The following AKAP7 variants were observed in gnomAD, a reference collection of about 807,000 sequenced individuals.
The protein encoded by AKAP7 is A kinase (PRKA) anchor protein 7.
In AKAP7, 39 loss-of-function variants were observed where a neutral mutation model predicts 39.5. That is an observed-to-expected ratio of 0.99 (90% CI 0.76 to 1.29). AKAP7 has a LOEUF of 1.29. Ranked by LOEUF, AKAP7 falls within the 50% of genes most tolerant of loss-of-function variation. The pLI, the probability that AKAP7 is intolerant of heterozygous loss-of-function variation, is 0.00. For missense variants in AKAP7, 414 were observed against 407.7 expected (o/e 1.02, Z -0.13); for synonymous variants, 140 against 139.1 (o/e 1.01, Z -0.05).
chr6:131,182,908 T>C (rs1805412320), intron 5 of AKAP7, among the ~76,000 whole-genome samples: 1 of 152,154 alleles, frequency 6.6e-6, no homozygotes, highest in Admixed American at 6.5e-5. Context: ...ATGTAACTAA[T>C]TAAAACTAGC....
intron 3 of AKAP7, among the ~76,000 whole-genome samples, chr6:131,160,414 T>C (rs942813535): frequency 3.9e-5 from 6 of 152,224 alleles, no homozygotes; most frequent in Non-Finnish European, 8.8e-5. Context: ...GGTCTTGCTC[T>C]GGCACCCAGG....
Position 131,165,133 on chromosome 6 carries a change from G to A in AKAP7, c.344G>A (p.Arg115Gln), listed in dbSNP as rs557843005. Residue 115 changes from arginine (R) to glutamine (Q), a missense_variant, in exon 4 of 8, where the codon CGA becomes CAA. Physicochemically the swap from Arg to Gln is conservative, Grantham distance 43. Transcript: ENST00000431975. ...LQNAIIQQDE[R>Q]LAKAMVSDGS... ...AATGCAATAATACAACAAGATGAGC[G>A]ACTGGCCAAAGCAATGGTCAGTGAT... 8.7e-6 allele frequency: 14 copies of A among 1,611,416 alleles called. No individual in the cohort carries two copies. The highest frequency in any genetic ancestry group is 6.7e-5 in the East Asian group (3 of 44,808).
chr6:131,264,112 A>G (rs1455724842), intron 7 of AKAP7, among the ~76,000 whole-genome samples: 1 of 152,168 alleles, frequency 6.6e-6, no homozygotes, highest in Non-Finnish European at 1.5e-5. Flanking sequence ...GGATTTAACC[A>G]AAAAGGAATG....
chr6:131,246,102 T>C (rs1340945095), intron 7 of AKAP7, among the ~76,000 whole-genome samples: 1 of 149,970 alleles, frequency 6.7e-6, no homozygotes, highest in Non-Finnish European at 1.5e-5. Context: ...CAAATATATA[T>C]ATATATATAT....
intron 7 of AKAP7, among the ~76,000 whole-genome samples, chr6:131,245,783 A>G (rs1347693062): frequency 1.3e-5 from 2 of 152,112 alleles, no homozygotes; most frequent in African/African-American, 2.4e-5. Flanking sequence ...TCGTCTCCTA[A>G]GGCTTGGTTC....
At chr6:131,165,467 C>G (rs1429806139) in intron 4 of AKAP7, among the ~76,000 whole-genome samples, 1 of 152,148 alleles carries the variant, frequency 6.6e-6, no homozygotes, top group Non-Finnish European at 1.5e-5. Flanking sequence ...ATAATATAAG[C>G]ACTCTGGACT....
chr6:131,253,060 G>A, intron 7 of AKAP7: 1 of 1,613,558 alleles, frequency 6.2e-7, no homozygotes, highest in Non-Finnish European at 8.5e-7. Flanking sequence ...CTCGTCCTCT[G>A]CAGTCCTACA....
intron 5 of AKAP7, among the ~76,000 whole-genome samples, chr6:131,197,080 G>A (rs546329087): frequency 1.3e-5 from 2 of 151,908 alleles, no homozygotes; most frequent in South Asian, 4.2e-4. Flanking sequence ...ATATTCCAGA[G>A]AATCATATTA....
chr6:131,251,845 C>T (rs1812469368), intron 7 of AKAP7, among the ~76,000 whole-genome samples: 2 of 152,220 alleles, frequency 1.3e-5, no homozygotes, highest in African/African-American at 4.8e-5. Context: ...CATTTGGCAG[C>T]CCAAGACTCT....
rs150523845 is a variant in AKAP7, at chr6:131,190,365, G to A, written c.590-9096G>A. Among the ~76,000 whole-genome samples, 434 of 152,174 alleles carry A rather than the reference G, an allele frequency of 2.9e-3. 2 individuals carry two copies. The highest frequency in any genetic ancestry group is 9.9e-3 in the African/African-American group (410 of 41,526). ...ATAAATTGAAAAGTGTTGGCTGGGC[G>A]CGGTGGCTCATGACTGTAATCCCAG... is the stretch of plus-strand genomic sequence containing the variant. On this transcript the variant is annotated intron_variant, in intron 5 of 7. Transcript: ENST00000431975.
rs565717031 is a variant in AKAP7 at position 131,152,071 on chromosome 6, G to A, written c.151+6655G>A. 6.6e-5 allele frequency among the ~76,000 whole-genome samples: 10 copies of A among 150,954 alleles called. No individual in the cohort carries two copies. In the East Asian group the frequency reaches 1.9e-3, roughly 29 times the overall value. On this transcript the variant is annotated intron_variant, in intron 2 of 7. Transcript: ENST00000431975. Reference sequence around the variant, plus strand: ...TAAAAAAACAAATACACGAATCAGAGAGTTACAGCCTTTGTCAGCAAGACC... The same window carrying A: ...TAAAAAAACAAATACACGAATCAGAAAGTTACAGCCTTTGTCAGCAAGACC...
chr6:131,217,015 C>G (rs1184686787), intron 6 of AKAP7, among the ~76,000 whole-genome samples: 1 of 152,162 alleles, frequency 6.6e-6, no homozygotes, highest in African/African-American at 2.4e-5. Flanking sequence ...TTTGAACTCT[C>G]CTAACATTGT....
In AKAP7 at chr6:131,139,040, C is replaced by A. The variant is rs556820979; in HGVS notation, c.19+3258C>A. Among the ~76,000 whole-genome samples, 93 of 152,270 alleles carry A rather than the reference C, an allele frequency of 6.1e-4. 1 individual carries two copies. In the South Asian group the frequency reaches 0.019, roughly 31 times the overall value. ...CAATGAACTTAAAAGAGTTTAAATG[C>A]TTTAAGAGTTGGTTATTTTAAGGCA... On this transcript the variant is annotated intron_variant, in intron 1 of 7. Coordinates refer to ENST00000431975, the MANE Select transcript of AKAP7 (RefSeq NM_016377.4).
At chr6:131,163,183 T>G (rs1448984597) in intron 3 of AKAP7, among the ~76,000 whole-genome samples, 1 of 152,032 alleles carries the variant, frequency 6.6e-6, no homozygotes, top group Non-Finnish European at 1.5e-5. Flanking sequence ...GAAATGCAGG[T>G]TTCAAGTGAC....
intron 3 of AKAP7, among the ~76,000 whole-genome samples, chr6:131,162,760 T>A (rs1001895441): frequency 9.2e-5 from 14 of 152,186 alleles, no homozygotes; most frequent in African/African-American, 3.1e-4. Context: ...TCTTTGCTCC[T>A]CTTGGTTTTG....
chr6:131,201,659 T>C (rs200909525), intron 6 of AKAP7, among the ~76,000 whole-genome samples: 3,944 of 152,260 alleles, frequency 0.026, 160 homozygotes, highest in African/African-American at 0.09. Flanking sequence ...AGACATGAAG[T>C]CCTTGCCCAT....
intron 7 of AKAP7, among the ~76,000 whole-genome samples, chr6:131,280,966 T>TA (rs1045442984): frequency 6.6e-6 from 1 of 151,828 alleles, no homozygotes; most frequent in African/African-American, 2.4e-5. Flanking sequence ...GCACTGGGAT[T>TA]AAAAAAAATA....
chr6:131,250,298 G>A, intron 7 of AKAP7: 1 of 1,250,964 alleles, frequency 8.0e-7, no homozygotes, highest in Non-Finnish European at 1.0e-6. Context: ...GAGAATACGG[G>A]AGCGTATAGC....
Position 131,156,389 on chromosome 6 carries a change from G to A in AKAP7, c.152-3670G>A, listed in dbSNP as rs552189184. Among the ~76,000 whole-genome samples the A allele has an allele frequency of 5.4e-4, 82 of 152,266 alleles. 1 individual carries two copies. Among genetic ancestry groups the A allele is most frequent in the Non-Finnish European group, 9.4e-4 (64 of 68,026 alleles). ...GTGGTAGCTCATGCCTGTAATGCCA[G>A]CATGTTAGGAGGCTAAGGTGGGAGG... On this transcript the variant is annotated intron_variant, in intron 2 of 7. Transcript: ENST00000431975.
Sources: allele counts gnomAD v4.1 joint callset (sites outside exome capture counted in the v4.1 genomes callset), GRCh38; gene constraint gnomAD v4.1.1; transcripts MANE v1.5; gene names NCBI Gene and HGNC (gene_info 2026-07-23, HGNC 2026-07-21).